Variants in KANSL1 observed in about 807,000 individuals in gnomAD.
The protein encoded by KANSL1 is KAT8 regulatory NSL complex subunit 1.
In KANSL1, 22 loss-of-function variants were observed where a neutral mutation model predicts 103.6. The observed-to-expected ratio is 0.21, with a 90% CI of 0.15 to 0.30. The LOEUF is 0.30. KANSL1 is among the 10% of genes least tolerant of loss of function. The pLI is 1.00. For missense variants in KANSL1, 1,337 were observed against 1,399.8 expected, an observed-to-expected ratio of 0.96 and a Z score of 0.72; for synonymous variants, 600 against 527.6, an observed-to-expected ratio of 1.14 and a Z score of -1.88.
intron 7 of KANSL1, chr17:46,041,779 T>G (rs1005976299): frequency 6.6e-6 from 1 of 152,160 alleles, no homozygotes; most frequent in Non-Finnish European, 1.5e-5. Flanking sequence ...ATCTTTCTAT[T>G]TATTTCTTCA....
At chr17:46,217,153 A>G (rs1285127541) in intron 1 of KANSL1, among the ~76,000 whole-genome samples, 1 of 150,460 alleles carries the variant, frequency 6.6e-6, no homozygotes, top group Non-Finnish European at 1.5e-5. Flanking sequence ...TACTCCTAAC[A>G]TTCAGTACCT....
chr17:46,114,298 G>C (rs1440142086), intron 2 of KANSL1, among the ~76,000 whole-genome samples: 1 of 152,212 alleles, frequency 6.6e-6, no homozygotes, highest in East Asian at 1.9e-4. Flanking sequence ...GGCGGAGGTT[G>C]CAGTGAGCCA....
At chr17:46,208,690 G>A (rs2048056962) in intron 1 of KANSL1, among the ~76,000 whole-genome samples, 1 of 151,382 alleles carries the variant, frequency 6.6e-6, no homozygotes, top group Admixed American at 6.6e-5. Context: ...TTAGAGACAG[G>A]ATCTTCAGGC....
At chr17:46,037,842 C>A (rs534972475) in intron 10 of KANSL1, 2 of 152,292 alleles carry the variant, frequency 1.3e-5, no homozygotes, top group African/African-American at 4.8e-5. Context: ...TCCAAGAGGG[C>A]ACACTTGAGG....
At chr17:46,069,882 G>A (rs1352662798) in intron 4 of KANSL1, among the ~76,000 whole-genome samples, 1 of 151,670 alleles carries the variant, frequency 6.6e-6, no homozygotes, top group Non-Finnish European at 1.5e-5. Context: ...GCTACAATGA[G>A]TGAACACCGA....
At chr17:46,122,842 AAACTTAACTGATAAAAATGTGTGTT>A (rs2043343427) in intron 2 of KANSL1, among the ~76,000 whole-genome samples, 1 of 152,236 alleles carries the variant, frequency 6.6e-6, no homozygotes, top group Admixed American at 6.5e-5. Context: ...AAAAGATGGA[AAACTTAACTGATAAAAATGTGTGTT>A]CTCACTACTC....
intron 2 of KANSL1, among the ~76,000 whole-genome samples, chr17:46,163,430 A>G (rs1391844072): frequency 2.0e-5 from 3 of 152,202 alleles, no homozygotes; most frequent in Non-Finnish European, 4.4e-5. Context: ...TGGCACAATC[A>G]TAGCTTACCC....
At chr17:46,138,583 CAA>C (rs1369158298) in intron 2 of KANSL1, among the ~76,000 whole-genome samples, 1 of 152,210 alleles carries the variant, frequency 6.6e-6, no homozygotes, top group Non-Finnish European at 1.5e-5. Flanking sequence ...CTGTATAATG[CAA>C]AGATTCCAAA....
At chr17:46,109,683 A>G (rs559679107) in intron 2 of KANSL1, among the ~76,000 whole-genome samples, 3 of 152,348 alleles carry the variant, frequency 2.0e-5, no homozygotes, top group Non-Finnish European at 4.4e-5. Context: ...TGGCTGTGTG[A>G]TTTCAATGAC....
At chr17:46,034,394 G>T in intron 10 of KANSL1, 109 bp from the exon 11 acceptor site, 1 of 1,244,128 alleles carries the variant, frequency 8.0e-7, no homozygotes, top group Non-Finnish European at 1.1e-6. Flanking sequence ...TGGGTCCTTG[G>T]GTTGAAGCTG....
intron 2 of KANSL1, among the ~76,000 whole-genome samples, chr17:46,158,099 T>C (rs896302464): frequency 2.0e-5 from 3 of 152,284 alleles, no homozygotes; most frequent in Admixed American, 6.5e-5. Flanking sequence ...TATTCAACTA[T>C]GCTAATTTTA....
intron 2 of KANSL1, among the ~76,000 whole-genome samples, chr17:46,107,612 A>T (rs567844438): frequency 6.6e-6 from 1 of 152,306 alleles, no homozygotes; most frequent in East Asian, 1.9e-4. Context: ...TCTTACCCAA[A>T]CTCATGGCTT....
chr17:46,064,102 T>G (rs1406980133), intron 6 of KANSL1, among the ~76,000 whole-genome samples: 1 of 146,728 alleles, frequency 6.8e-6, no homozygotes, highest in Admixed American at 6.8e-5. Context: ...AATGTCAATA[T>G]GAAAACCCTG....
At position 46,046,502 on chromosome 17, in the gene KANSL1, G is replaced by C. The variant is rs539550684; in HGVS notation, c.2020+4031C>G. Among the ~76,000 whole-genome samples, 16 of 117,466 alleles carry C rather than the reference G, an allele frequency of 1.4e-4. No individual in the cohort carries two copies. The East Asian group carries it at 4.2e-3, about 31-fold the overall frequency. 77.1% of individuals were successfully genotyped at this position (117,466 alleles called of 152,430 possible). A position where few individuals can be genotyped will look rare whatever the true frequency, so the allele number is the denominator to read the frequency against. ...CCAAAAACCACACCACTGCATTCTA[G>C]CCTGAGTGACAGAGTGAGACTCTGT... On this transcript the variant is annotated intron_variant, in intron 7 of 14. Transcript: ENST00000432791.
intron 2 of KANSL1, among the ~76,000 whole-genome samples, chr17:46,136,246 A>C (rs1381150447): frequency 6.6e-6 from 1 of 152,200 alleles, no homozygotes; most frequent in Non-Finnish European, 1.5e-5. Flanking sequence ...CCTAATCTAT[A>C]CATTCTTTAA....
chr17:46,121,138 C>T (rs1048851939), intron 2 of KANSL1, among the ~76,000 whole-genome samples: 3 of 152,086 alleles, frequency 2.0e-5, no homozygotes, highest in Non-Finnish European at 4.4e-5. Flanking sequence ...GAACCCAAGA[C>T]ACCATTCTCT....
At chr17:46,106,431 C>T (rs1271262078) in intron 2 of KANSL1, among the ~76,000 whole-genome samples, 5 of 152,342 alleles carry the variant, frequency 3.3e-5, no homozygotes, top group South Asian at 2.1e-4. Flanking sequence ...CTCGCTCTTT[C>T]GCCCAGGCTG....
At chr17:46,111,272 G>A (rs1417045048) in intron 2 of KANSL1, among the ~76,000 whole-genome samples, 5 of 152,056 alleles carry the variant, frequency 3.3e-5, no homozygotes, top group East Asian at 1.9e-4. Context: ...GTGCGATGGC[G>A]TGATCTCGGC....
At chr17:46,191,840 C>T (rs1440842165) in intron 1 of KANSL1, among the ~76,000 whole-genome samples, 2 of 152,178 alleles carry the variant, frequency 1.3e-5, no homozygotes, top group Non-Finnish European at 2.9e-5. Context: ...GGAGGCGAGG[C>T]TGGAGGAAGA....
Sources: gnomAD v4.1 joint callset for allele counts (sites outside exome capture counted in the v4.1 genomes callset) on GRCh38, gnomAD v4.1.1 for gene constraint, MANE v1.5 for transcripts, NCBI Gene and HGNC (gene_info 2026-07-23, HGNC 2026-07-21) for gene names.